CDK6: variants seen among roughly 807,000 people sequenced by gnomAD.
CDK6 encodes cyclin dependent kinase 6.
In CDK6, 6 loss-of-function variants were observed where a neutral mutation model predicts 37.1. The ratio of observed to expected loss-of-function variants is 0.16; its 90% CI spans 0.09 to 0.32. The LOEUF (loss-of-function observed/expected upper bound fraction) is 0.32. Ranked by LOEUF, CDK6 falls within the 10% of genes least tolerant of loss-of-function variation. The probability of loss-of-function intolerance (pLI) is 1.00; values close to 1 mark genes in which losing one functional copy is unlikely to be tolerated. For missense variants in CDK6, 224 were observed against 418.9 expected (o/e 0.53, Z 4.06); for synonymous variants, 160 against 161.3 (o/e 0.99, Z 0.06).
intron 5 of CDK6, among the ~76,000 whole-genome samples, chr7:92,630,641 A>G (rs952020247): frequency 6.6e-6 from 1 of 152,148 alleles, no homozygotes; most frequent in African/African-American, 2.4e-5. Flanking sequence ...CACTCCTGTC[A>G]CTATGGGCTT....
intron 2 of CDK6, among the ~76,000 whole-genome samples, chr7:92,801,638 C>T (rs1800577835): frequency 6.6e-6 from 1 of 151,088 alleles, no homozygotes; most frequent in Non-Finnish European, 1.5e-5. Context: ...TCCTTCTTCC[C>T]TCCCTTCTCT....
intron 2 of CDK6, among the ~76,000 whole-genome samples, chr7:92,795,035 G>A (rs1800374129): frequency 6.6e-6 from 1 of 152,094 alleles, no homozygotes; most frequent in South Asian, 2.1e-4. Context: ...ATAAGTTCTT[G>A]TATGGAGTGT....
intron 5 of CDK6, among the ~76,000 whole-genome samples, chr7:92,631,470 T>C (rs1415352983): frequency 1.3e-5 from 2 of 152,218 alleles, no homozygotes; most frequent in Non-Finnish European, 2.9e-5. Context: ...TTCTCTTTTT[T>C]CCTAATAACT....
chr7:92,679,076 T>G (rs1448479329), intron 4 of CDK6, among the ~76,000 whole-genome samples: 1 of 152,070 alleles, frequency 6.6e-6, no homozygotes, highest in Non-Finnish European at 1.5e-5. Context: ...ATCCCCTGAG[T>G]TCCCCTAAGC....
intron 5 of CDK6, among the ~76,000 whole-genome samples, chr7:92,657,070 T>A (rs561620623): frequency 6.6e-6 from 1 of 151,988 alleles, no homozygotes; most frequent in African/African-American, 2.4e-5. Context: ...CCATGTCACA[T>A]AAAACATATT....
At chr7:92,768,130 G>C (rs1036139278) in intron 3 of CDK6, among the ~76,000 whole-genome samples, 3 of 152,188 alleles carry the variant, frequency 2.0e-5, no homozygotes, top group Non-Finnish European at 4.4e-5. Flanking sequence ...CTGGGGCAGA[G>C]TTCTGGAGAG....
chr7:92,701,416 T>G (rs1797838728), intron 4 of CDK6, among the ~76,000 whole-genome samples: 1 of 152,170 alleles, frequency 6.6e-6, no homozygotes, highest in Admixed American at 6.5e-5. Context: ...ACACTTTTTT[T>G]TTTTTTTGAG....
intron 2 of CDK6, among the ~76,000 whole-genome samples, chr7:92,791,147 G>C (rs1378336090): frequency 6.6e-6 from 1 of 152,070 alleles, no homozygotes; most frequent in Non-Finnish European, 1.5e-5. Context: ...GGTTGAGTTG[G>C]CAGGACTTGC....
At chr7:92,629,077 G>GA (rs1292709855) in intron 5 of CDK6, among the ~76,000 whole-genome samples, 6 of 151,986 alleles carry the variant, frequency 3.9e-5, no homozygotes, top group African/African-American at 1.4e-4. Context: ...AAAGAGCACG[G>GA]AAAAAAACAA....
chr7:92,690,903 T>C (rs1265576946), intron 4 of CDK6, among the ~76,000 whole-genome samples: 1 of 152,218 alleles, frequency 6.6e-6, no homozygotes. Context: ...TACCACTATA[T>C]ATTATTACAG....
In CDK6 at chr7:92,657,168, A is replaced by G. The variant is rs139413819; in HGVS notation, c.647+14258T>C. 3.3e-3 allele frequency among the ~76,000 whole-genome samples: 508 copies of G among 152,288 alleles called. 5 individuals carry two copies. The highest frequency in any genetic ancestry group is 0.012 in the African/African-American group (483 of 41,546). ...TGACTGTCTCTGTGTTTTATAATCA[A>G]AAGTGGGTGGCTTCTGGACCTCAAG... On this transcript the variant is annotated intron_variant, in intron 5 of 7. Transcript: ENST00000424848.
chr7:92,616,892 A>G (rs901414646), intron 7 of CDK6, among the ~76,000 whole-genome samples: 1 of 152,138 alleles, frequency 6.6e-6, no homozygotes, highest in African/African-American at 2.4e-5. Context: ...TGTCCTATAG[A>G]AATATGGTTA....
At chr7:92,632,711 C>A (rs575233531) in intron 5 of CDK6, among the ~76,000 whole-genome samples, 3 of 151,942 alleles carry the variant, frequency 2.0e-5, no homozygotes, top group Non-Finnish European at 4.4e-5. Flanking sequence ...TTATTGCATA[C>A]CTATATCAAA....
Position 92,833,941 on chromosome 7 carries a change from G to T in CDK6, c.-367-251C>A. On this transcript the variant is annotated intron_variant, in intron 1 of 7. Coordinates refer to ENST00000424848, the MANE Select transcript of CDK6 (RefSeq NM_001145306.2). This position sits in a 1 kb window ranked among gnomAD's most constrained non-coding sequence, Gnocchi z 6.1. ...TTGCAGGGGCCCCTCGGGGATGAGC[G>T]AGCGGCGCGGGACGCAGTGGAACGG... The T allele has an allele frequency of 2.5e-6, 1 of 398,820 alleles. No homozygotes were observed. Among genetic ancestry groups the T allele is most frequent in the Non-Finnish European group, 4.4e-6 (1 of 226,240 alleles). The allele number at this position is 398,820 out of a possible 1,614,324, so 24.7% of individuals were successfully genotyped here.
intron 3 of CDK6, among the ~76,000 whole-genome samples, chr7:92,755,801 C>G (rs917107178): frequency 5.9e-5 from 9 of 152,160 alleles, no homozygotes; most frequent in African/African-American, 1.9e-4. Flanking sequence ...GGAGTCTTTT[C>G]CAACAGTCAG....
At position 92,610,676 on chromosome 7, in the gene CDK6, A is replaced by T. The variant is rs1795544342; in HGVS notation, c.*4464T>A. On this transcript the variant is annotated 3_prime_UTR_variant, in exon 8 of 8. Transcript: ENST00000424848. ...TGCTTTTGAGGAAAACAGCATTTCT[A>T]ATTACTCTAAGGACTTACATTTCTT... is the stretch of plus-strand genomic sequence containing the variant. 4.4e-6 allele frequency: 1 copy of T among 227,056 alleles called. No homozygotes were observed. The highest frequency in any genetic ancestry group is 2.2e-5 in the African/African-American group (1 of 45,032). The allele number at this position is 227,056 out of a possible 1,614,324, so 14.1% of individuals were successfully genotyped here. A position where few individuals can be genotyped will look rare whatever the true frequency, so the allele number is the denominator to read the frequency against.
At chr7:92,694,990 C>T (rs1023729902) in intron 4 of CDK6, among the ~76,000 whole-genome samples, 3 of 152,004 alleles carry the variant, frequency 2.0e-5, no homozygotes, top group Non-Finnish European at 4.4e-5. Context: ...TATTAACCTC[C>T]TACGACATAT....
intron 4 of CDK6, among the ~76,000 whole-genome samples, chr7:92,694,416 AGTGAT>A (rs1288715084): frequency 1.1e-4 from 16 of 152,198 alleles, no homozygotes; most frequent in African/African-American, 3.9e-4. Context: ...CATCCAGGTC[AGTGAT>A]GCTGTTCACA....
chr7:92,651,661 G>C (rs892795879), intron 5 of CDK6, among the ~76,000 whole-genome samples: 4 of 152,116 alleles, frequency 2.6e-5, no homozygotes, highest in Non-Finnish European at 5.9e-5. Context: ...GCCAGAAACA[G>C]AGTGACTTCA....
Sources: allele counts gnomAD v4.1 joint callset (sites outside exome capture counted in the v4.1 genomes callset), GRCh38; gene constraint gnomAD v4.1.1; non-coding constraint Gnocchi (gnomAD v3.1); transcripts MANE v1.5; gene names NCBI Gene and HGNC (gene_info 2026-07-23, HGNC 2026-07-21).